Variants in ADAMTS6 observed in about 807,000 individuals in gnomAD.
ADAMTS6 encodes A disintegrin and metalloproteinase with thrombospondin motifs 6.
ADAMTS6 carries 23 observed loss-of-function variants against 144.3 expected under a neutral mutation model. The ratio of observed to expected loss-of-function variants is 0.16; its 90% CI spans 0.11 to 0.23. The LOEUF is 0.23. Ranked by LOEUF, ADAMTS6 falls within the 10% of genes least tolerant of loss-of-function variation. The pLI is 1.00. For synonymous variants in ADAMTS6, 444 were observed against 457.5 expected (o/e 0.97, Z 0.38); for missense variants, 999 against 1,379.6 (o/e 0.72, Z 4.37).
intron 3 of ADAMTS6, among the ~76,000 whole-genome samples, chr5:65,468,248 T>G (rs1760174105): frequency 1.3e-5 from 2 of 152,020 alleles, no homozygotes; most frequent in African/African-American, 4.8e-5. Context: ...TAACAACTAT[T>G]TTATATAGAA....
intron 21 of ADAMTS6, among the ~76,000 whole-genome samples, chr5:65,191,439 T>C (rs1481408989): frequency 6.6e-6 from 1 of 152,126 alleles, no homozygotes; most frequent in African/African-American, 2.4e-5. Flanking sequence ...GCAGAGCATA[T>C]GAAAATAAAC....
At chr5:65,235,655 C>T (rs1343580214) in intron 15 of ADAMTS6, among the ~76,000 whole-genome samples, 1 of 152,158 alleles carries the variant, frequency 6.6e-6, no homozygotes, top group East Asian at 1.9e-4. Flanking sequence ...TTCCTGCCCT[C>T]GAACATTTGA....
intron 7 of ADAMTS6, among the ~76,000 whole-genome samples, chr5:65,444,678 A>C (rs1170235851): frequency 1.3e-5 from 2 of 151,314 alleles, no homozygotes; most frequent in Non-Finnish European, 2.9e-5. Flanking sequence ...CCAGAGGAGA[A>C]GATTACATAA....
At chr5:65,223,318 C>T (rs966505311) in intron 18 of ADAMTS6, among the ~76,000 whole-genome samples, 3 of 152,234 alleles carry the variant, frequency 2.0e-5, no homozygotes, top group South Asian at 2.1e-4. Context: ...CCATAACTTC[C>T]TACAGTTGCC....
intron 24 of ADAMTS6, among the ~76,000 whole-genome samples, chr5:65,163,148 G>T (rs765301361): frequency 6.6e-6 from 1 of 152,084 alleles, no homozygotes; most frequent in Non-Finnish European, 1.5e-5. Flanking sequence ...GGGCTCAAGT[G>T]ATCCTCCCAA....
rs900388638 is a variant in ADAMTS6, at chr5:65,149,268, G to A, written c.*2568C>T. On this transcript the variant is annotated 3_prime_UTR_variant, in exon 25 of 25. Transcript: ENST00000381055. Reference sequence around the variant, plus strand: ...TGGTGGCCCAGCCTCCACTGACAATGCTATTGTTATTATTTAGGAATAGGG... The same window carrying A: ...TGGTGGCCCAGCCTCCACTGACAATACTATTGTTATTATTTAGGAATAGGG... 9.9e-5 allele frequency: 15 copies of A among 152,220 alleles called. No individual in the cohort carries two copies. Among genetic ancestry groups the A allele is most frequent in the African/African-American group, 3.6e-4 (15 of 41,442 alleles). 9.4% of individuals were successfully genotyped at this position (152,220 alleles called of 1,614,324 possible).
chr5:65,215,270 C>A, intron 19 of ADAMTS6, 54 bp downstream of exon 19: 2 of 1,561,474 alleles, frequency 1.3e-6, no homozygotes, highest in South Asian at 2.4e-5. Flanking sequence ...CCCCTTCCTA[C>A]CTCACAAGGG....
At chr5:65,325,441 A>G (rs1019006059) in intron 9 of ADAMTS6, among the ~76,000 whole-genome samples, 4 of 151,940 alleles carry the variant, frequency 2.6e-5, no homozygotes. Flanking sequence ...CAAGATACTG[A>G]TATTTACTTC....
chr5:65,441,069 C>T (rs572759614), intron 7 of ADAMTS6, among the ~76,000 whole-genome samples: 17 of 152,162 alleles, frequency 1.1e-4, no homozygotes, highest in African/African-American at 3.4e-4. Flanking sequence ...AAAACTGACA[C>T]ATATAATAAA....
At chr5:65,320,505 T>G (rs1444998378) in intron 9 of ADAMTS6, among the ~76,000 whole-genome samples, 2 of 151,912 alleles carry the variant, frequency 1.3e-5, no homozygotes, top group East Asian at 3.8e-4. Flanking sequence ...AAAATAACAT[T>G]AAATATACAA....
intron 7 of ADAMTS6, among the ~76,000 whole-genome samples, chr5:65,433,290 A>G (rs1757135289): frequency 6.6e-6 from 1 of 152,146 alleles, no homozygotes. Context: ...ATGCCTCCTT[A>G]CCAGGTGCTT....
In ADAMTS6 at chr5:65,321,351, G is replaced by C. The variant is rs1445921610; in HGVS notation, c.1223+8027C>G. Among the ~76,000 whole-genome samples, 7 of 151,862 alleles carry C rather than the reference G, an allele frequency of 4.6e-5. No individual in the cohort carries two copies. In the East Asian group the frequency reaches 1.3e-3, roughly 29 times the overall value. On this transcript the variant is annotated intron_variant, in intron 9 of 24. Transcript: ENST00000381055. ...TGTATGTATGTATGTCTTGTTTGAA[G>C]TGTCTGTTCATGTCCTTTGCCCAAT...
chr5:65,232,707 A>C (rs538700356), intron 15 of ADAMTS6, among the ~76,000 whole-genome samples: 1 of 152,082 alleles, frequency 6.6e-6, no homozygotes, highest in Admixed American at 6.5e-5. Context: ...AAAAAAAAAA[A>C]AAACCTCTCA....
chr5:65,282,014 C>T (rs955757026), intron 11 of ADAMTS6, among the ~76,000 whole-genome samples: 1 of 152,018 alleles, frequency 6.6e-6, no homozygotes, highest in Non-Finnish European at 1.5e-5. Context: ...GAGGAGGTGA[C>T]ATCATGAAAG....
At chr5:65,416,766 CCAACAA>C (rs1184177766) in intron 7 of ADAMTS6, among the ~76,000 whole-genome samples, 1 of 135,474 alleles carries the variant, frequency 7.4e-6, no homozygotes, top group Non-Finnish European at 1.6e-5. Flanking sequence ...AAAAAAAAAA[CCAACAA>C]CAACAACAAA....
At chr5:65,293,582 C>T (rs1742537710) in intron 10 of ADAMTS6, among the ~76,000 whole-genome samples, 1 of 151,956 alleles carries the variant, frequency 6.6e-6, no homozygotes, top group South Asian at 2.1e-4. Context: ...TTTCTGATGG[C>T]AAATTGGAAA....
chr5:65,152,874 A>T (rs571020020), intron 24 of ADAMTS6, among the ~76,000 whole-genome samples: 7 of 152,250 alleles, frequency 4.6e-5, no homozygotes, highest in Admixed American at 2.0e-4. Flanking sequence ...TAGTAATGAA[A>T]TTTTCACATG....
At chr5:65,373,037 CA>C (rs1299352526) in intron 7 of ADAMTS6, among the ~76,000 whole-genome samples, 1 of 152,042 alleles carries the variant, frequency 6.6e-6, no homozygotes, top group Non-Finnish European at 1.5e-5. Context: ...AAGGCAGAAA[CA>C]AAGATGTTCT....
chr5:65,442,600 A>G (rs1439703987), intron 7 of ADAMTS6, among the ~76,000 whole-genome samples: 1 of 152,148 alleles, frequency 6.6e-6, no homozygotes, highest in Admixed American at 6.6e-5. Context: ...CTAAGAAAAA[A>G]CTACAGAACA....
Sources: gnomAD v4.1 joint callset for allele counts (sites outside exome capture counted in the v4.1 genomes callset) on GRCh38, gnomAD v4.1.1 for gene constraint, MANE v1.5 for transcripts, NCBI Gene and HGNC (gene_info 2026-07-23, HGNC 2026-07-21) for gene names.